Variants in ATRNL1 observed in about 807,000 individuals in gnomAD.
The protein encoded by ATRNL1 is attractin-like protein 1.
A neutral mutation model predicts 182.7 loss-of-function variants in ATRNL1; 95 were observed. The ratio of observed to expected loss-of-function variants is 0.52; its 90% CI spans 0.44 to 0.62. ATRNL1 has a LOEUF of 0.62. ATRNL1 is among the 20% of genes least tolerant of loss of function. The pLI, the probability that ATRNL1 is intolerant of heterozygous loss-of-function variation, is 0.00. For missense variants in ATRNL1, 1,471 were observed against 1,679.5 expected (o/e 0.88, Z 2.17); for synonymous variants, 576 against 568.3 (o/e 1.01, Z -0.19).
intron 27 of ATRNL1, among the ~76,000 whole-genome samples, chr10:115,784,472 G>T (rs1181259724): frequency 6.6e-6 from 1 of 152,214 alleles, no homozygotes; most frequent in Non-Finnish European, 1.5e-5. Flanking sequence ...TGAGTTAGAT[G>T]TGTGTCAGTT....
chr10:115,431,602 A>G (rs1227221983), intron 21 of ATRNL1, among the ~76,000 whole-genome samples: 1 of 151,920 alleles, frequency 6.6e-6, no homozygotes, highest in Admixed American at 6.6e-5. Flanking sequence ...ACTTTTATGT[A>G]TGTATTTATT....
chr10:115,685,880 A>G (rs1293349951), intron 26 of ATRNL1, among the ~76,000 whole-genome samples: 3 of 151,652 alleles, frequency 2.0e-5, no homozygotes, highest in African/African-American at 7.2e-5. Context: ...ATATTTCTTA[A>G]ACTTTTTCAT....
intron 28 of ATRNL1, among the ~76,000 whole-genome samples, chr10:115,884,462 G>A (rs771799630): frequency 1.3e-5 from 2 of 152,148 alleles, no homozygotes; most frequent in Non-Finnish European, 2.9e-5. Context: ...ACAACAAAAA[G>A]CATTAGGCCG....
chr10:115,619,760 T>G (rs562885150), intron 26 of ATRNL1, among the ~76,000 whole-genome samples: 1 of 152,348 alleles, frequency 6.6e-6, no homozygotes, highest in African/African-American at 2.4e-5. Context: ...AAAATTTCAT[T>G]TATAAAGTTT....
intron 5 of ATRNL1, among the ~76,000 whole-genome samples, chr10:115,134,926 G>C (rs1323320260): frequency 6.6e-6 from 1 of 152,026 alleles, no homozygotes; most frequent in African/African-American, 2.4e-5. Flanking sequence ...CAGAACCAAA[G>C]ACAAAAACCA....
intron 27 of ATRNL1, among the ~76,000 whole-genome samples, chr10:115,827,032 C>A (rs1950450281): frequency 6.6e-6 from 1 of 152,130 alleles, no homozygotes; most frequent in Admixed American, 6.5e-5. Flanking sequence ...CATCAAAAAG[C>A]TACATATTAT....
At chr10:115,861,799 C>A (rs559437055) in intron 28 of ATRNL1, among the ~76,000 whole-genome samples, 3 of 152,144 alleles carry the variant, frequency 2.0e-5, no homozygotes, top group African/African-American at 4.8e-5. Flanking sequence ...TAACACCATT[C>A]TTTTTCCTTT....
At chr10:115,291,215 A>G (rs568317359) in intron 15 of ATRNL1, among the ~76,000 whole-genome samples, 2 of 152,342 alleles carry the variant, frequency 1.3e-5, no homozygotes, top group South Asian at 2.1e-4. Flanking sequence ...TAGTTCTTGT[A>G]TAAGAGTCTT....
chr10:115,734,954 A>G (rs772549033), intron 27 of ATRNL1, among the ~76,000 whole-genome samples: 7 of 152,158 alleles, frequency 4.6e-5, no homozygotes, highest in Non-Finnish European at 1.0e-4. Flanking sequence ...AAACAATATA[A>G]ATCTTGCTTC....
chr10:115,097,714 A>G (rs558495430), intron 1 of ATRNL1, among the ~76,000 whole-genome samples: 17 of 152,278 alleles, frequency 1.1e-4, no homozygotes, highest in Non-Finnish European at 1.8e-4. Context: ...TCATGAGGTC[A>G]GGAGATCGAG....
chr10:115,484,254 T>A (rs1435068190), intron 24 of ATRNL1, among the ~76,000 whole-genome samples: 1 of 151,594 alleles, frequency 6.6e-6, no homozygotes, highest in African/African-American at 2.4e-5. Context: ...TTATGTTTTT[T>A]CATTTTGTTT....
intron 5 of ATRNL1, among the ~76,000 whole-genome samples, chr10:115,159,190 G>A (rs1475770398): frequency 2.0e-5 from 3 of 151,276 alleles, no homozygotes; most frequent in Non-Finnish European, 4.4e-5. Flanking sequence ...TTTGTTTTAT[G>A]CTTATAAAAG....
intron 28 of ATRNL1, among the ~76,000 whole-genome samples, chr10:115,900,146 T>C (rs1382801421): frequency 1.3e-5 from 2 of 152,222 alleles, no homozygotes; most frequent in African/African-American, 4.8e-5. Flanking sequence ...GTAGACAAGT[T>C]GGAAAGAAAC....
chr10:115,715,143 T>A (rs1204615331), intron 26 of ATRNL1, among the ~76,000 whole-genome samples: 1 of 152,182 alleles, frequency 6.6e-6, no homozygotes, highest in African/African-American at 2.4e-5. Context: ...GCCCCAAGTT[T>A]GGAACCCACT....
intron 25 of ATRNL1, among the ~76,000 whole-genome samples, chr10:115,528,559 T>C (rs564316239): frequency 1.3e-5 from 2 of 152,180 alleles, no homozygotes; most frequent in African/African-American, 4.8e-5. Context: ...TTGCCAATTT[T>C]GTTGCTCTTT....
chr10:115,677,229 C>T (rs1435052540), intron 26 of ATRNL1, among the ~76,000 whole-genome samples: 1 of 152,070 alleles, frequency 6.6e-6, no homozygotes, highest in African/African-American at 2.4e-5. Flanking sequence ...CCAGGAATTT[C>T]AGGGCTGCTC....
At chr10:115,532,338 C>A (rs1554988568) in intron 25 of ATRNL1, among the ~76,000 whole-genome samples, 1 of 152,046 alleles carries the variant, frequency 6.6e-6, no homozygotes, top group Non-Finnish European at 1.5e-5. Context: ...TTGAAGAGGT[C>A]CTTCACATCC....
At chr10:115,747,215 G>A (rs1555069393) in intron 27 of ATRNL1, among the ~76,000 whole-genome samples, 2 of 151,878 alleles carry the variant, frequency 1.3e-5, no homozygotes, top group Non-Finnish European at 2.9e-5. Context: ...AACAGCTTTG[G>A]GTTCCAATTC....
At chr10:115,772,593 C>CTGTGTGTGTGTGTGTGTGTGTG (rs71475107) in intron 27 of ATRNL1, among the ~76,000 whole-genome samples, 16 of 125,668 alleles carry the variant, frequency 1.3e-4, no homozygotes, top group East Asian at 6.6e-4. Context: ...AATATATACT[C>CTGTGTGTGTGTGTGTGTGTGTG]TGTCTGTGTG....
Sources: gnomAD v4.1 joint callset for allele counts (sites outside exome capture counted in the v4.1 genomes callset) on GRCh38, gnomAD v4.1.1 for gene constraint, MANE v1.5 for transcripts, NCBI Gene and HGNC (gene_info 2026-07-23, HGNC 2026-07-21) for gene names.